The following SEMA6A variants were observed in gnomAD, a reference collection of about 807,000 sequenced individuals.
The protein encoded by SEMA6A is semaphorin-6A.
In SEMA6A, 25 loss-of-function variants were observed where a neutral mutation model predicts 96.8. The observed-to-expected ratio is 0.26, with a 90% CI of 0.19 to 0.36. The LOEUF is 0.36. Among genes scored for constraint, SEMA6A ranks in the 10% least tolerant of loss-of-function variants. The pLI, the probability that SEMA6A is intolerant of heterozygous loss-of-function variation, is 1.00. For synonymous variants in SEMA6A, 612 were observed against 518.0 expected (o/e 1.18, Z -2.46); for missense variants, 1,363 against 1,323.1 (o/e 1.03, Z -0.47).
At chr5:116,514,811 A>G (rs963314489) in intron 1 of SEMA6A, among the ~76,000 whole-genome samples, 13 of 152,206 alleles carry the variant, frequency 8.5e-5, no homozygotes, top group Non-Finnish European at 1.9e-4. Context: ...GCTCTGTGCT[A>G]AGATGCTGAT....
intron 1 of SEMA6A, among the ~76,000 whole-genome samples, chr5:116,557,954 T>C (rs1760672477): frequency 6.6e-6 from 1 of 152,232 alleles, no homozygotes; most frequent in Non-Finnish European, 1.5e-5. Context: ...TAATCTATAA[T>C]TTGGTTTCTC....
chr5:116,551,421 TA>T (rs1275793725), intron 1 of SEMA6A, among the ~76,000 whole-genome samples: 1 of 151,612 alleles, frequency 6.6e-6, no homozygotes, highest in African/African-American at 2.4e-5. Context: ...TGGGGGGAAA[TA>T]TAAAAATAGG....
chr5:116,460,536 T>C (rs1471808326), intron 18 of SEMA6A, among the ~76,000 whole-genome samples: 2 of 152,186 alleles, frequency 1.3e-5, no homozygotes, highest in African/African-American at 4.8e-5. Context: ...TTAATTCGGA[T>C]AAACAAAAAT....
At chr5:116,529,107 A>C (rs1759353478) in intron 1 of SEMA6A, among the ~76,000 whole-genome samples, 1 of 152,212 alleles carries the variant, frequency 6.6e-6, no homozygotes, top group Non-Finnish European at 1.5e-5. Flanking sequence ...ACACCAAAAA[A>C]GAATCTGGCC....
intron 1 of SEMA6A, chr5:116,562,947 G>A: frequency 1.7e-6 from 1 of 580,494 alleles, no homozygotes; most frequent in Non-Finnish European, 3.3e-6. Context: ...GGTGGATAGA[G>A]GACGTCCCCC....
intron 10 of SEMA6A, 56 bp downstream of exon 10, chr5:116,486,692 CT>C: frequency 6.9e-7 from 1 of 1,441,006 alleles, no homozygotes. Context: ...AGAGAACCCC[CT>C]GGGAGAAGGA....
rs1375367436 is a variant in SEMA6A at position 116,445,913 on chromosome 5, A to G, written c.*700T>C. 3 of 152,624 alleles carry G rather than the reference A, an allele frequency of 2.0e-5. No individual in the cohort carries two copies. The East Asian group carries it at 5.8e-4, about 29-fold the overall frequency. 9.5% of individuals were successfully genotyped at this position (152,624 alleles called of 1,614,324 possible). ...AGGAAAAAAAGGGTGAACAATAAAT[A>G]AAGAGTTACTTGCGTTAACGGTCAC... On this transcript the variant is annotated 3_prime_UTR_variant, in exon 19 of 19. Transcript: ENST00000343348.
intron 1 of SEMA6A, among the ~76,000 whole-genome samples, chr5:116,541,131 G>A (rs1759943511): frequency 6.6e-6 from 1 of 152,094 alleles, no homozygotes; most frequent in Admixed American, 6.5e-5. Flanking sequence ...TAGATCAGCG[G>A]TGATGGGTGT....
chr5:116,464,697 C>T (rs1022366435), intron 18 of SEMA6A, among the ~76,000 whole-genome samples: 4 of 151,862 alleles, frequency 2.6e-5, no homozygotes, highest in African/African-American at 9.7e-5. Flanking sequence ...AAGGGTGTTT[C>T]GACAGAATGT....
rs1754033403 is a variant in SEMA6A at position 116,443,819 on chromosome 5, C to A, written c.*2794G>T. Reference sequence around the variant, plus strand: ...GCAAAGGCACACTCGGGTTTATGGACCCTCCCCCCACACACAGTGGGGAAA... The same window carrying A: ...GCAAAGGCACACTCGGGTTTATGGAACCTCCCCCCACACACAGTGGGGAAA... On this transcript the variant is annotated 3_prime_UTR_variant, in exon 19 of 19. Transcript: ENST00000343348. 1 of 152,572 alleles carries A rather than the reference C, an allele frequency of 6.6e-6. No homozygotes were observed. The allele number at this position is 152,572 out of a possible 1,614,324, so 9.5% of individuals were successfully genotyped here. A position where few individuals can be genotyped will look rare whatever the true frequency, so the allele number is the denominator to read the frequency against.
chr5:116,556,150 G>A (rs1371863018), intron 1 of SEMA6A, among the ~76,000 whole-genome samples: 1 of 152,138 alleles, frequency 6.6e-6, no homozygotes, highest in Non-Finnish European at 1.5e-5. Flanking sequence ...AACTCCTAAT[G>A]CCTTATTTAA....
chr5:116,478,339 C>T (rs182024854), intron 13 of SEMA6A, 185 bp from the exon 14 acceptor site: 14 of 759,258 alleles, frequency 1.8e-5, no homozygotes, highest in Non-Finnish European at 2.7e-5. Context: ...TAAACACACA[C>T]ACATATATGT....
At chr5:116,507,675 GC>G (rs1474585851) in intron 1 of SEMA6A, among the ~76,000 whole-genome samples, 7 of 152,148 alleles carry the variant, frequency 4.6e-5, no homozygotes, top group Admixed American at 4.6e-4. Flanking sequence ...GCTTATATAG[GC>G]TAAATATAAC....
intron 1 of SEMA6A, chr5:116,554,982 G>C (rs1760554884): frequency 2.0e-5 from 3 of 152,146 alleles, no homozygotes; most frequent in Admixed American, 6.5e-5. Flanking sequence ...TCTGGTCAGG[G>C]TCCAAGTCCA....
At chr5:116,460,495 G>T (rs935488265) in intron 18 of SEMA6A, among the ~76,000 whole-genome samples, 1 of 152,092 alleles carries the variant, frequency 6.6e-6, no homozygotes, top group Non-Finnish European at 1.5e-5. Context: ...CTATAGAATT[G>T]TCAGGTAGCA....
In SEMA6A at chr5:116,446,305, G is replaced by C. The variant is rs1199774408; in HGVS notation, c.*308C>G. 3.7e-6 allele frequency: 1 copy of C among 273,440 alleles called. No individual in the cohort carries two copies. Among genetic ancestry groups the C allele is most frequent in the Non-Finnish European group, 6.9e-6 (1 of 145,260 alleles). 16.9% of individuals were successfully genotyped at this position (273,440 alleles called of 1,614,324 possible). On this transcript the variant is annotated 3_prime_UTR_variant, in exon 19 of 19. Transcript: ENST00000343348. Reference sequence around the variant, plus strand: ...GTGTGTGGGGGTGGGGGATGGGGTAGGTATGTGCTTTTGGCTCATGTTTGT... The same window carrying C: ...GTGTGTGGGGGTGGGGGATGGGGTACGTATGTGCTTTTGGCTCATGTTTGT...
intron 1 of SEMA6A, among the ~76,000 whole-genome samples, chr5:116,537,363 C>A (rs1478775824): frequency 6.6e-6 from 1 of 152,152 alleles, no homozygotes; most frequent in East Asian, 1.9e-4. Flanking sequence ...TTCATCAGAT[C>A]AAGTTCTTAA....
intron 18 of SEMA6A, 113 bp downstream of exon 18, chr5:116,467,470 G>T: frequency 2.0e-5 from 20 of 977,588 alleles, no homozygotes; most frequent in Non-Finnish European, 2.6e-5. Flanking sequence ...TTCAATCATA[G>T]CGCATTGGAG....
intron 1 of SEMA6A, among the ~76,000 whole-genome samples, chr5:116,570,222 T>TAGCTC (rs1761154678): frequency 6.6e-6 from 1 of 152,228 alleles, no homozygotes; most frequent in South Asian, 2.1e-4. Flanking sequence ...GGCAACCATG[T>TAGCTC]GGTCGCCAGC....
Sources: gnomAD v4.1 joint callset for allele counts (sites outside exome capture counted in the v4.1 genomes callset) on GRCh38, gnomAD v4.1.1 for gene constraint, MANE v1.5 for transcripts, NCBI Gene and HGNC (gene_info 2026-07-23, HGNC 2026-07-21) for gene names.